The following ACAD8 variants were observed in gnomAD, a reference collection of about 807,000 sequenced individuals.
ACAD8 encodes isobutyryl-CoA dehydrogenase, mitochondrial.
ACAD8 carries 47 observed loss-of-function variants against 53.1 expected under a neutral mutation model. The observed-to-expected ratio is 0.89, with a 90% CI of 0.70 to 1.13. The LOEUF (loss-of-function observed/expected upper bound fraction) is 1.13. Ranked by LOEUF, ACAD8 falls within the 50% of genes most tolerant of loss-of-function variation. The probability of loss-of-function intolerance (pLI) is 0.00; values close to 1 mark genes in which losing one functional copy is unlikely to be tolerated. For missense variants in ACAD8, 494 were observed against 535.0 expected (o/e 0.92, Z 0.76); for synonymous variants, 198 against 201.3 (o/e 0.98, Z 0.14).
chr11:134,257,604 C>T (rs564017590), intron 3 of ACAD8: 47 of 348,076 alleles, frequency 1.4e-4, no homozygotes, highest in South Asian at 9.2e-4. Flanking sequence ...ACCCGGGAGG[C>T]GGAGCTTGCA....
Position 134,253,654 on chromosome 11 carries a change from C to A in ACAD8, c.54C>A (p.Gly18=), listed in dbSNP as rs767728903. The part of the protein sequence containing the change: ...RFGARLGCLP[G]GLRVLVQTGH... ...GGGCGCGCCTCGGCTGCCTGCCCGG[C>A]GGTCTCCGGGTCCTCGTCCAGACCG... Residue 18 remains glycine (G), a synonymous_variant, in exon 1 of 11, where the codon GGC becomes GGA. Coordinates refer to ENST00000281182, the MANE Select transcript of ACAD8 (RefSeq NM_014384.3). 7.5e-6 allele frequency: 12 copies of A among 1,596,412 alleles called. No individual in the cohort carries two copies. The South Asian group carries it at 1.2e-4, about 16-fold the overall frequency.
rs763007237 is a variant in ACAD8, at chr11:134,261,025, A to G, written c.706-19A>G. 6.2e-7 allele frequency: 1 copy of G among 1,611,360 alleles called. No individual in the cohort carries two copies. The highest frequency in any genetic ancestry group is 1.1e-5 in the South Asian group (1 of 90,220). Reference sequence around the variant, plus strand: ...CTGCTGGATTGTTGGGCAACCACGCAGTCCCTGATTTTTGCCAGGTGGGGT... The same window carrying G: ...CTGCTGGATTGTTGGGCAACCACGCGGTCCCTGATTTTTGCCAGGTGGGGT... On this transcript the variant is annotated intron_variant, in intron 6 of 10. Coordinates refer to ENST00000281182, the MANE Select transcript of ACAD8 (RefSeq NM_014384.3). The surrounding 1 kb of genome is among the most constrained non-coding windows in gnomAD (Gnocchi z 4.2).
At chr11:134,256,826 A>G (rs1370612602) in intron 2 of ACAD8, 178 bp downstream of exon 2, 1 of 690,198 alleles carries the variant, frequency 1.4e-6, no homozygotes, top group African/African-American at 1.8e-5. Context: ...TCTTGTACAT[A>G]ACTTTTTTTT....
In ACAD8 at chr11:134,261,984, C is replaced by A. The variant is rs956142367; in HGVS notation, c.1092+94C>A. The A allele has an allele frequency of 1.4e-6, 2 of 1,421,848 alleles. No homozygotes were observed. The highest frequency in any genetic ancestry group is 1.9e-6 in the Non-Finnish European group (2 of 1,027,506). The allele number at this position is 1,421,848 out of a possible 1,614,324, so 88.1% of individuals were successfully genotyped here. On this transcript the variant is annotated intron_variant, in intron 9 of 10. Coordinates refer to ENST00000281182, the MANE Select transcript of ACAD8 (RefSeq NM_014384.3). The surrounding 1 kb of genome is among the most constrained non-coding windows in gnomAD (Gnocchi z 4.2). ...CATGAGTCAGATTTGGAACCCAGCC[C>A]TCCTGGAATCCCACAAGGATCACCT... is the stretch of plus-strand genomic sequence containing the variant.
rs766531579 is a variant in ACAD8 at position 134,261,307 on chromosome 11, G to A, written c.874G>A (p.Val292Ile). The change falls in exon 8 of 11, where the codon GTC becomes ATC. Residue 292 changes from valine (V) to isoleucine (I), a missense_variant. By Grantham distance (29) the Val-to-Ile change is conservative (BLOSUM62 3). Transcript: ENST00000281182. The surrounding 1 kb of genome is among the most constrained non-coding windows in gnomAD (Gnocchi z 4.2). ...CTCCCTGGGGGCTGCCCACGCCTCT[G>A]TCATCCTCACCCGAGACCACCTCAA... ...SCSLGAAHAS[V>I]ILTRDHLNVR... 1 of 1,614,172 alleles carries A rather than the reference G, an allele frequency of 6.2e-7. No individual in the cohort carries two copies.
At chr11:134,255,455 A>C (rs1249442413) in intron 1 of ACAD8, among the ~76,000 whole-genome samples, 1 of 152,104 alleles carries the variant, frequency 6.6e-6, no homozygotes, top group African/African-American at 2.4e-5. Context: ...TTATTTTTGT[A>C]ACCCCAGCAC....
chr11:134,255,037 A>G (rs886789260), intron 1 of ACAD8, among the ~76,000 whole-genome samples: 2 of 152,192 alleles, frequency 1.3e-5, no homozygotes, highest in African/African-American at 2.4e-5. Flanking sequence ...TCCTTGAACT[A>G]TTTGTTTTAG....
chr11:134,255,389 G>C (rs1374175962), intron 1 of ACAD8, among the ~76,000 whole-genome samples: 3 of 152,162 alleles, frequency 2.0e-5, no homozygotes, highest in Non-Finnish European at 2.9e-5. Flanking sequence ...ACCTGCCTTG[G>C]CCTCCCCAAA....
Position 134,256,570 on chromosome 11 carries a change from G to A in ACAD8, c.132G>A (p.Glu44=), listed in dbSNP as rs751397190. 3 of 1,614,202 alleles carry A rather than the reference G, an allele frequency of 1.9e-6. No individual in the cohort carries two copies. The highest frequency in any genetic ancestry group is 4.5e-5 in the East Asian group (2 of 44,884). Reference sequence around the variant, plus strand: ...CAGCTTCCATGGGACTTAATGAAGAGCAGAAAGAATTTCAAAAAGTGGCCT... The same window carrying A: ...CAGCTTCCATGGGACTTAATGAAGAACAGAAAGAATTTCAAAAAGTGGCCT... ...CIDPSMGLNE[E]QKEFQKVAFD... Residue 44 remains glutamate, a synonymous_variant, in exon 2 of 11, where the codon GAG becomes GAA. Coordinates refer to ENST00000281182, the MANE Select transcript of ACAD8 (RefSeq NM_014384.3).
chr11:134,258,206 T>G (rs892456366), intron 3 of ACAD8: 7 of 403,142 alleles, frequency 1.7e-5, no homozygotes, highest in African/African-American at 1.4e-4. Context: ...GAGGAAGTAA[T>G]AGAAACTACT....
At chr11:134,257,011 AATCCCTC>A (rs1175620557) in intron 2 of ACAD8, 70 bp from the exon 3 acceptor site, 1 of 1,489,356 alleles carries the variant, frequency 6.7e-7, no homozygotes, top group Non-Finnish European at 9.4e-7. Flanking sequence ...CAAGCCTCCT[AATCCCTC>A]ACTGTGCCCT....
rs1380223528 is a variant in ACAD8 at position 134,253,626 on chromosome 11, T to A, written c.26T>A (p.Phe9Tyr). MLWSGCRRFGARLGCLPGG... is the reference protein window; with the variant it reads MLWSGCRRYGARLGCLPGG... Reference sequence around the variant, plus strand: ...ATGCTGTGGAGCGGCTGCCGGCGTTTCGGGGCGCGCCTCGGCTGCCTGCCC... The same window carrying A: ...ATGCTGTGGAGCGGCTGCCGGCGTTACGGGGCGCGCCTCGGCTGCCTGCCC... Residue 9 changes from phenylalanine (F) to tyrosine (Y), a missense_variant, in exon 1 of 11, where the codon TTC becomes TAC. Physicochemically the swap from Phe to Tyr is conservative, Grantham distance 22. Coordinates refer to ENST00000281182, the MANE Select transcript of ACAD8 (RefSeq NM_014384.3). 6.3e-7 allele frequency: 1 copy of A among 1,582,772 alleles called. No individual in the cohort carries two copies. The highest frequency in any genetic ancestry group is 1.1e-5 in the South Asian group (1 of 87,648).
At position 134,261,934 on chromosome 11, in the gene ACAD8, T is replaced by G. The variant is rs1428462093; in HGVS notation, c.1092+44T>G. Reference sequence around the variant, plus strand: ...TCTCCTGGGATGGACAGGGAACAGCTGCTAGGCCCAGGGGTCTTGAGAGAC... The same window carrying G: ...TCTCCTGGGATGGACAGGGAACAGCGGCTAGGCCCAGGGGTCTTGAGAGAC... On this transcript the variant is annotated intron_variant, in intron 9 of 10. Coordinates refer to ENST00000281182, the MANE Select transcript of ACAD8 (RefSeq NM_014384.3). This position sits in a 1 kb window ranked among gnomAD's most constrained non-coding sequence, Gnocchi z 4.2. The G allele has an allele frequency of 6.2e-7, 1 of 1,609,454 alleles. No individual in the cohort carries two copies. The highest frequency in any genetic ancestry group is 8.5e-7 in the Non-Finnish European group (1 of 1,178,902).
chr11:134,262,427 G>A (rs947706234), intron 9 of ACAD8, 93 bp from the exon 10 acceptor site: 23 of 805,400 alleles, frequency 2.9e-5, no homozygotes, highest in African/African-American at 6.8e-5. Context: ...GGTTTATGGC[G>A]GGCTGCCAGA....
At position 134,259,062 on chromosome 11, in the gene ACAD8, A is replaced by G. The variant is rs1385160389; in HGVS notation, c.545A>G (p.His182Arg). 7 of 1,614,050 alleles carry G rather than the reference A, an allele frequency of 4.3e-6. No homozygotes were observed. Among genetic ancestry groups the G allele is most frequent in the Non-Finnish European group, 5.9e-6 (7 of 1,180,048 alleles). ...ACCTCCGCTAAGAAACAGGGAGATC[A>G]TTACATCCTCAATGGCTCCAAGGTA... Reference protein sequence around the residue: ...LLTSAKKQGDHYILNGSKAFI... With the variant: ...LLTSAKKQGDRYILNGSKAFI... The change falls in exon 5 of 11, where the codon CAT (histidine) becomes CGT (arginine). Residue 182 changes from histidine (H) to arginine (R), a missense_variant. Coordinates refer to ENST00000281182, the MANE Select transcript of ACAD8 (RefSeq NM_014384.3).
At chr11:134,262,804 C>T (rs1939968713) in intron 10 of ACAD8, 182 bp downstream of exon 10, 1 of 1,485,532 alleles carries the variant, frequency 6.7e-7, no homozygotes, top group South Asian at 1.2e-5. Flanking sequence ...TCCAGAGCCG[C>T]AGCTTCGTCC....
intron 2 of ACAD8, 158 bp from the exon 3 acceptor site, chr11:134,256,930 C>A (rs1017946839): frequency 1.3e-5 from 10 of 791,406 alleles, no homozygotes; most frequent in African/African-American, 1.7e-5. Context: ...TTTACAGGAC[C>A]CATGTTAACT....
At position 134,261,048 on chromosome 11, in the gene ACAD8, G is replaced by C; in HGVS notation, c.710G>C (p.Gly237Ala). 6.2e-7 allele frequency: 1 copy of C among 1,612,518 alleles called. No individual in the cohort carries two copies. The highest frequency in any genetic ancestry group is 8.5e-7 in the Non-Finnish European group (1 of 1,179,438). Reference protein sequence around the residue: ...LSFGKKEKKVGWNSQPTRAVI... With the variant: ...LSFGKKEKKVAWNSQPTRAVI... ...GCAGTCCCTGATTTTTGCCAGGTGG[G>C]GTGGAACTCCCAGCCAACACGAGCT... Residue 237 changes from glycine to alanine, a missense_variant, in exon 7 of 11, where the codon GGG becomes GCG. By Grantham distance (60) the Gly-to-Ala change is moderately conservative (BLOSUM62 0). Transcript: ENST00000281182. This position sits in a 1 kb window ranked among gnomAD's most constrained non-coding sequence, Gnocchi z 4.2.
At position 134,261,387 on chromosome 11, in the gene ACAD8, G is replaced by T. The variant is rs747871623; in HGVS notation, c.939+15G>T. 4.3e-6 allele frequency: 7 copies of T among 1,613,610 alleles called. No individual in the cohort carries two copies. The highest frequency in any genetic ancestry group is 5.9e-6 in the Non-Finnish European group (7 of 1,179,542). On this transcript the variant is annotated intron_variant, in intron 8 of 10. Coordinates refer to ENST00000281182, the MANE Select transcript of ACAD8 (RefSeq NM_014384.3). The surrounding 1 kb of genome is among the most constrained non-coding windows in gnomAD (Gnocchi z 4.2). ...CCAGTAACCAGGTAACCTCTGCCTT[G>T]CCTCCACATGGCTTTGCACTATTTG... is the stretch of plus-strand genomic sequence containing the variant.
Sources: gnomAD v4.1 joint callset for allele counts (sites outside exome capture counted in the v4.1 genomes callset) on GRCh38, gnomAD v4.1.1 for gene constraint, Gnocchi (gnomAD v3.1) non-coding constraint, MANE v1.5 for transcripts, NCBI Gene and HGNC (gene_info 2026-07-23, HGNC 2026-07-21) for gene names.